TRPM2: variants seen among roughly 807,000 people sequenced by gnomAD.
TRPM2 encodes transient receptor potential cation channel subfamily M member 2, also known as estrogen-responsive element-associated gene 1 protein.
In TRPM2, 161 loss-of-function variants were observed where a neutral mutation model predicts 174.0. The ratio of observed to expected loss-of-function variants is 0.93; its 90% confidence interval spans 0.81 to 1.05. TRPM2 has a LOEUF of 1.05. Ranked by LOEUF, TRPM2 falls within the 50% of genes least tolerant of loss-of-function variation. TRPM2 has a pLI of 0.00. For synonymous variants in TRPM2, 954 were observed against 861.3 expected, an observed-to-expected ratio of 1.11 and a Z score of -1.88; for missense variants, 2,057 against 2,038.0, an observed-to-expected ratio of 1.01 and a Z score of -0.18.
chr21:44,392,205 C>T (rs531921180), intron 11 of TRPM2, among the ~76,000 whole-genome samples: 22 of 151,392 alleles, frequency 1.5e-4, no homozygotes, highest in African/African-American at 3.9e-4. Context: ...TCAAGTGATC[C>T]GCTCTCCTCA....
In TRPM2 at chr21:44,367,066, C is replaced by G. The variant is rs1423184521; in HGVS notation, c.604+132C>G. The G allele has an allele frequency of 9.1e-7, 1 of 1,096,954 alleles. No homozygotes were observed. Among genetic ancestry groups the G allele is most frequent in the Non-Finnish European group, 1.3e-6 (1 of 790,018 alleles). The allele number at this position is 1,096,954 out of a possible 1,614,324, so 68.0% of individuals were successfully genotyped here. A position where few individuals can be genotyped will look rare whatever the true frequency, so the allele number is the denominator to read the frequency against. ...GCCGAGGCTGTGCCCCAGCCTGAGT[C>G]GGACCCATGCACCTCTCACCTGGGC... On this transcript the variant is annotated intron_variant, in intron 4 of 31. Transcript: ENST00000397928. The surrounding 1 kb of genome is among the most constrained non-coding windows in gnomAD (Gnocchi z 4.6).
rs547196472 is a variant in TRPM2, at chr21:44,406,186, GC to G, written c.2790+152del. On this transcript the variant is annotated intron_variant, in intron 18 of 31. Transcript: ENST00000397928. The stretch of plus-strand genomic sequence containing the variant: ...CTTTGCCCCTTGGGCTCCCAAGAAT[GC>G]CCTTCTCGTATCTTTGCCTGTACGT... 1,177 of 1,039,316 alleles carry G rather than the reference GC, an allele frequency of 1.1e-3. 8 individuals are homozygous for G. In the African/African-American group the frequency reaches 0.017, roughly 15 times the overall value. The allele number at this position is 1,039,316 out of a possible 1,614,324, so 64.4% of individuals were successfully genotyped here.
At position 44,391,263 on chromosome 21, in the gene TRPM2, T is replaced by G. The variant is rs1297954738; in HGVS notation, c.1441-9T>G. On this transcript the variant is annotated splice_polypyrimidine_tract_variant and intron_variant, in intron 10 of 31. Transcript: ENST00000397928. This position sits in a 1 kb window ranked among gnomAD's most constrained non-coding sequence, Gnocchi z 5.0. The stretch of plus-strand genomic sequence containing the variant: ...AATGCAACCGTCACTGCACAATGCT[T>G]GCTCTCAGCCTTCAGATCTGCACCC... 1 of 1,609,434 alleles carries G rather than the reference T, an allele frequency of 6.2e-7. No homozygotes were observed.
chr21:44,440,988 G>A (rs1031352839), intron 31 of TRPM2, 83 bp downstream of exon 31: 13 of 1,204,534 alleles, frequency 1.1e-5, no homozygotes, highest in African/African-American at 4.5e-5. Flanking sequence ...GGTTGGCAGG[G>A]ATGGGGGTCT....
In TRPM2 at chr21:44,406,648, G is replaced by C. The variant is rs773118051; in HGVS notation, c.2845G>C (p.Gly949Arg). The C allele has an allele frequency of 7.5e-6, 12 of 1,610,680 alleles. No individual in the cohort carries two copies. The East Asian group carries it at 1.8e-4, about 24-fold the overall frequency. Reference protein sequence around the residue: ...FLLAVWVVSFGVAKQAILIHN... With the variant: ...FLLAVWVVSFRVAKQAILIHN... ...GCTGGCTGTGTGGGTGGTGTCCTTC[G>C]GGGTGGCCAAGCAGGCCATCCTCAT... Residue 949 changes from glycine (G) to arginine (R), a missense_variant, in exon 19 of 32, where the codon GGG becomes CGG. Coordinates refer to ENST00000397928, the MANE Select transcript of TRPM2 (RefSeq NM_003307.4).
intron 2 of TRPM2, among the ~76,000 whole-genome samples, chr21:44,357,663 C>T (rs1013649831): frequency 6.6e-6 from 1 of 152,200 alleles, no homozygotes; most frequent in Non-Finnish European, 1.5e-5. Flanking sequence ...ATGGCAACCA[C>T]CCAAATCCCA....
chr21:44,412,592 A>G (rs2050141684), intron 19 of TRPM2, among the ~76,000 whole-genome samples: 1 of 151,632 alleles, frequency 6.6e-6, no homozygotes. Context: ...TCTCGATCTC[A>G]TTTATATTCT....
chr21:44,435,651 C>G (rs1219031569), intron 28 of TRPM2, among the ~76,000 whole-genome samples: 4 of 145,778 alleles, frequency 2.7e-5, no homozygotes, highest in African/African-American at 1.0e-4. Flanking sequence ...CAGACCCACT[C>G]TCCACACCCA....
Position 44,377,741 on chromosome 21 carries a change from G to C in TRPM2, c.982G>C (p.Val328Leu). 6.2e-7 allele frequency: 1 copy of C among 1,614,200 alleles called. No homozygotes were observed. Among genetic ancestry groups the C allele is most frequent in the Non-Finnish European group, 8.5e-7 (1 of 1,180,028 alleles). ...GVAIKIPIVC[V>L]VLEGGPGTLH... ...GGCCATCAAGATCCCCATCGTGTGC[G>C]TGGTGCTGGAGGGCGGCCCGGGCAC... The change falls in exon 7 of 32, where the codon GTG becomes CTG. Residue 328 changes from valine to leucine, a missense_variant. Transcript: ENST00000397928.
Position 44,391,520 on chromosome 21 carries a change from G to A in TRPM2, c.1689G>A (p.Gln563=). 1 of 1,608,032 alleles carries A rather than the reference G, an allele frequency of 6.2e-7. No individual in the cohort carries two copies. The highest frequency in any genetic ancestry group is 1.1e-5 in the South Asian group (1 of 90,970). The stretch of plus-strand genomic sequence containing the variant: ...GCCTGCAGATGCACCACGTGGCCCA[G>A]GTGCTGCGGGAGCTGCTGGGGGACT... ...APRLQMHHVA[Q]VLRELLGDFT... Residue 563 remains glutamine (Q), a synonymous_variant, in exon 11 of 32, where the codon CAG becomes CAA. Transcript: ENST00000397928. The surrounding 1 kb of genome is among the most constrained non-coding windows in gnomAD (Gnocchi z 5.0).
intron 5 of TRPM2, among the ~76,000 whole-genome samples, chr21:44,370,476 A>ACAC (rs747562768): frequency 3.9e-5 from 6 of 152,172 alleles, no homozygotes; most frequent in East Asian, 1.9e-4. Context: ...TTTTCCAAGG[A>ACAC]CACACTAACT....
chr21:44,409,584 C>T (rs1245425214), intron 19 of TRPM2, among the ~76,000 whole-genome samples: 7 of 147,192 alleles, frequency 4.8e-5, no homozygotes, highest in African/African-American at 1.5e-4. Flanking sequence ...GTTTTGACCG[C>T]ACTGTCTTGG....
At chr21:44,396,043 C>A (rs111164046) in intron 12 of TRPM2, among the ~76,000 whole-genome samples, 229 of 13,466 alleles carry the variant, frequency 0.017, 16 homozygotes, top group African/African-American at 0.025. Flanking sequence ...GCTGTGGAGG[C>A]TGTGGAGGGG....
intron 20 of TRPM2, 67 bp from the exon 21 acceptor site, chr21:44,417,860 G>A: frequency 6.6e-7 from 1 of 1,524,530 alleles, no homozygotes; most frequent in Non-Finnish European, 8.9e-7. Context: ...GGGCACGCAG[G>A]CGGTGAGAGG....
chr21:44,424,381 G>A (rs935457885), intron 23 of TRPM2, among the ~76,000 whole-genome samples: 3 of 152,226 alleles, frequency 2.0e-5, no homozygotes, highest in African/African-American at 7.2e-5. Flanking sequence ...CTGACAGGGT[G>A]CCCAGCACTG....
At chr21:44,435,761 A>T (rs529177192) in intron 28 of TRPM2, among the ~76,000 whole-genome samples, 29 of 62,752 alleles carry the variant, frequency 4.6e-4, no homozygotes, top group East Asian at 2.3e-3. Flanking sequence ...CACTCTCCAC[A>T]CCCATCCATG....
chr21:44,392,047 C>T (rs971902113), intron 11 of TRPM2, among the ~76,000 whole-genome samples: 23 of 150,956 alleles, frequency 1.5e-4, no homozygotes, highest in African/African-American at 5.6e-4. Context: ...TCACTGCAGC[C>T]TCAACCTCCC....
upstream of TRPM2, among the ~76,000 whole-genome samples, chr21:44,350,686 G>A (rs2122996170): frequency 1.7e-4 from 24 of 140,356 alleles, no homozygotes; most frequent in East Asian, 6.5e-4. Context: ...TGCAGGGGCG[G>A]GCGGGGTTCG....
chr21:44,375,792 G>A (rs1324894553), intron 5 of TRPM2, 41 bp from the exon 6 acceptor site: 2 of 1,580,180 alleles, frequency 1.3e-6, no homozygotes, highest in Admixed American at 1.7e-5. Context: ...GAGAGGCAGA[G>A]CTTTCCAGAA....
Sources: allele counts gnomAD v4.1 joint callset (sites outside exome capture counted in the v4.1 genomes callset), GRCh38; gene constraint gnomAD v4.1.1; non-coding constraint Gnocchi (gnomAD v3.1); transcripts MANE v1.5; gene names NCBI Gene and HGNC (gene_info 2026-07-23, HGNC 2026-07-21).